The following CORO2B variants were observed in gnomAD, a reference collection of about 807,000 sequenced individuals.
CORO2B encodes the protein coronin-2B.
In CORO2B, 26 loss-of-function variants were observed where a neutral mutation model predicts 58.8. The ratio of observed to expected loss-of-function variants is 0.44; its 90% confidence interval spans 0.32 to 0.61. The LOEUF (loss-of-function observed/expected upper bound fraction) is 0.61, where lower values mean the gene tolerates loss of function less well. CORO2B is among the 20% of genes least tolerant of loss of function. CORO2B has a pLI of 0.04. For missense variants in CORO2B, 460 were observed against 645.1 expected, an observed-to-expected ratio of 0.71 and a Z score of 3.11; for synonymous variants, 242 against 253.8, an observed-to-expected ratio of 0.95 and a Z score of 0.44.
chr15:68,544,948 T>A, the CORO2B span, among the ~76,000 whole-genome samples: 3 of 152,160 alleles, frequency 2.0e-5, no homozygotes, highest in Non-Finnish European at 4.4e-5. Context: ...GGCTAATTTT[T>A]GTATTTTTAG....
intron 1 of CORO2B, among the ~76,000 whole-genome samples, chr15:68,604,416 A>G (rs1215539318): frequency 1.3e-5 from 2 of 152,160 alleles, no homozygotes; most frequent in Non-Finnish European, 2.9e-5. Flanking sequence ...CCTATTAACA[A>G]GGGCAAAGAT....
intron 2 of CORO2B, among the ~76,000 whole-genome samples, chr15:68,682,615 T>C (rs1902827680): frequency 6.6e-6 from 1 of 152,182 alleles, no homozygotes; most frequent in Non-Finnish European, 1.5e-5. Flanking sequence ...CGATTGGTAA[T>C]GCCTGTTATA....
intron 3 of CORO2B, among the ~76,000 whole-genome samples, chr15:68,701,054 G>A (rs1273916322): frequency 6.6e-6 from 1 of 152,148 alleles, no homozygotes; most frequent in African/African-American, 2.4e-5. Context: ...CCTGCCTCCT[G>A]CACACCCCCA....
upstream of CORO2B, among the ~76,000 whole-genome samples, chr15:68,577,584 G>A (rs1899311483): frequency 6.6e-6 from 1 of 152,046 alleles, no homozygotes; most frequent in South Asian, 2.1e-4. Context: ...AGCCGGGCGT[G>A]GTAGCGCGTT....
chr15:68,668,859 A>C (rs531899315), intron 2 of CORO2B, among the ~76,000 whole-genome samples: 1 of 152,282 alleles, frequency 6.6e-6, no homozygotes, highest in African/African-American at 2.4e-5. Context: ...TGGGTAGATC[A>C]CCTGAGGTCA....
chr15:68,618,210 T>C (rs1288328507), intron 1 of CORO2B, among the ~76,000 whole-genome samples: 1 of 152,212 alleles, frequency 6.6e-6, no homozygotes, highest in Admixed American at 6.5e-5. Context: ...TATTTTCTAG[T>C]CTTTTCTACT....
At chr15:68,646,278 G>A (rs984860334) in intron 2 of CORO2B, among the ~76,000 whole-genome samples, 4 of 152,150 alleles carry the variant, frequency 2.6e-5, no homozygotes, top group Admixed American at 6.5e-5. Context: ...GGGAGGTCAC[G>A]CGCTTCAGGG....
At chr15:68,701,560 A>C (rs1454152123) in intron 3 of CORO2B, among the ~76,000 whole-genome samples, 1 of 131,990 alleles carries the variant, frequency 7.6e-6, no homozygotes, top group Admixed American at 9.6e-5. Context: ...ATCTCGACTC[A>C]CTGCAAGCTC....
intron 2 of CORO2B, among the ~76,000 whole-genome samples, chr15:68,664,348 TA>T (rs1902114995): frequency 6.7e-6 from 1 of 150,372 alleles, no homozygotes; most frequent in Non-Finnish European, 1.5e-5. Context: ...TTTAACCTCT[TA>T]AAAACTGAGA....
chr15:68,572,553 G>A, the CORO2B span, among the ~76,000 whole-genome samples: 4,238 of 152,132 alleles, frequency 0.028, 188 homozygotes, highest in African/African-American at 0.094. Flanking sequence ...ATGTAAATCC[G>A]TGGTTCTCAA....
chr15:68,652,672 C>T (rs771405078), intron 2 of CORO2B, among the ~76,000 whole-genome samples: 1 of 152,204 alleles, frequency 6.6e-6, no homozygotes, highest in Non-Finnish European at 1.5e-5. Context: ...GCCTGAGGAG[C>T]TTTTGAGGAT....
At chr15:68,633,545 A>ACAC (rs1900925560) in intron 1 of CORO2B, among the ~76,000 whole-genome samples, 1 of 150,768 alleles carries the variant, frequency 6.6e-6, no homozygotes, top group Admixed American at 6.6e-5. Context: ...ACACACACAC[A>ACAC]CTCACTCCTT....
intron 6 of CORO2B, 85 bp downstream of exon 6, chr15:68,714,126 G>A (rs979699264): frequency 3.6e-6 from 3 of 841,982 alleles, no homozygotes; most frequent in Admixed American, 2.1e-5. Flanking sequence ...TCAGGAGCCT[G>A]GGCCCGCACA....
At chr15:68,676,670 C>T (rs973784273) in intron 2 of CORO2B, among the ~76,000 whole-genome samples, 2 of 152,200 alleles carry the variant, frequency 1.3e-5, no homozygotes, top group African/African-American at 4.8e-5. Context: ...ATGCGCACAC[C>T]GCAGCCACCT....
rs1249914666 is a variant in CORO2B at position 68,645,509 on chromosome 15, G to A, written c.216+149G>A. 4 of 734,444 alleles carry A rather than the reference G, an allele frequency of 5.4e-6. No homozygotes were observed. Among genetic ancestry groups the A allele is most frequent in the Non-Finnish European group, 8.7e-6 (4 of 459,972 alleles). The allele number at this position is 734,444 out of a possible 1,614,324, so 45.5% of individuals were successfully genotyped here. On this transcript the variant is annotated intron_variant, in intron 2 of 11. Transcript: ENST00000261861. This position sits in a 1 kb window ranked among gnomAD's most constrained non-coding sequence, Gnocchi z 4.5. ...ATCTAGTGGCTATGCCTTCTTTAGG[G>A]TTTTCCTGAGATTCAACAGAACAAG...
chr15:68,718,218 C>T (rs1374315804), intron 8 of CORO2B, among the ~76,000 whole-genome samples: 4 of 152,210 alleles, frequency 2.6e-5, no homozygotes, highest in Non-Finnish European at 4.4e-5. Flanking sequence ...TCTTAGGCTG[C>T]GTCCAGACCT....
chr15:68,606,562 A>G (rs954042624), intron 1 of CORO2B, among the ~76,000 whole-genome samples: 3 of 152,172 alleles, frequency 2.0e-5, no homozygotes, highest in South Asian at 2.1e-4. Context: ...AACATTTTCC[A>G]TACCCCAAAT....
chr15:68,721,768 G>C (rs1893167793), intron 11 of CORO2B, among the ~76,000 whole-genome samples: 1 of 149,392 alleles, frequency 6.7e-6, no homozygotes, highest in African/African-American at 2.5e-5. Context: ...ATGTTTTAGA[G>C]ACAGAGTCCT....
the CORO2B span, among the ~76,000 whole-genome samples, chr15:68,563,758 G>A: frequency 6.6e-6 from 1 of 151,974 alleles, no homozygotes. Context: ...AAGAACAATT[G>A]TATGCCAAAA....
Sources: allele counts gnomAD v4.1 joint callset (sites outside exome capture counted in the v4.1 genomes callset), GRCh38; gene constraint gnomAD v4.1.1; non-coding constraint Gnocchi (gnomAD v3.1); transcripts MANE v1.5; gene names NCBI Gene and HGNC (gene_info 2026-07-23, HGNC 2026-07-21).